SCHIP1: variants seen among roughly 807,000 people sequenced by gnomAD.
SCHIP1 encodes the protein schwannomin interacting protein 1.
In SCHIP1, 8 loss-of-function variants were observed where a neutral mutation model predicts 29.7. The ratio of observed to expected loss-of-function variants is 0.27; its 90% CI spans 0.16 to 0.49. SCHIP1 has a LOEUF of 0.49. Ranked by LOEUF, SCHIP1 falls within the 20% of genes least tolerant of loss-of-function variation. The pLI, the probability that SCHIP1 is intolerant of heterozygous loss-of-function variation, is 0.99. For synonymous variants in SCHIP1, 76 were observed against 94.9 expected, an observed-to-expected ratio of 0.80 and a Z score of 1.16; for missense variants, 193 against 294.6, an observed-to-expected ratio of 0.66 and a Z score of 2.52.
chr3:159,336,284 T>A, the SCHIP1 span, among the ~76,000 whole-genome samples: 4 of 151,008 alleles, frequency 2.6e-5, no homozygotes, highest in African/African-American at 9.7e-5. Context: ...TTTTCTCCCA[T>A]TCTGTAGGTC....
chr3:159,567,034 G>A, the SCHIP1 span, among the ~76,000 whole-genome samples: 1 of 152,096 alleles, frequency 6.6e-6, no homozygotes, highest in Non-Finnish European at 1.5e-5. Flanking sequence ...ATATGAAATG[G>A]TATCTATCAC....
the SCHIP1 span, among the ~76,000 whole-genome samples, chr3:159,367,777 A>G: frequency 6.6e-6 from 1 of 152,290 alleles, no homozygotes; most frequent in Admixed American, 6.5e-5. Context: ...AAGAGGTAAG[A>G]CATTACTAGA....
the SCHIP1 span, chr3:159,764,950 C>T: frequency 6.7e-7 from 1 of 1,491,364 alleles, no homozygotes; most frequent in Non-Finnish European, 8.9e-7. This position sits in a 1 kb window ranked among gnomAD's most constrained non-coding sequence, Gnocchi z 6.1. Flanking sequence ...GGCTGGGGGC[C>T]GGCGCAGTGG....
At chr3:159,514,262 C>T in the SCHIP1 span, among the ~76,000 whole-genome samples, 1 of 152,160 alleles carries the variant, frequency 6.6e-6, no homozygotes, top group Non-Finnish European at 1.5e-5. Context: ...CAAAAAAAAT[C>T]AACTGATGAT....
chr3:159,453,253 G>C, the SCHIP1 span, among the ~76,000 whole-genome samples: 2 of 152,282 alleles, frequency 1.3e-5, no homozygotes, highest in East Asian at 3.9e-4. Context: ...GTGTGACCCT[G>C]GATAAGTCAT....
chr3:159,875,832 C>T (rs1715744903), intron 2 of SCHIP1, among the ~76,000 whole-genome samples: 1 of 152,164 alleles, frequency 6.6e-6, no homozygotes, highest in African/African-American at 2.4e-5. Context: ...GTGGCATGTG[C>T]CTGTAGTCAC....
the SCHIP1 span, among the ~76,000 whole-genome samples, chr3:159,778,821 G>C: frequency 1.3e-5 from 2 of 152,220 alleles, no homozygotes; most frequent in Non-Finnish European, 2.9e-5. Flanking sequence ...GACAGATGGA[G>C]TGAAGGGGCA....
chr3:159,273,535 T>A, the SCHIP1 span: 4 of 1,200,236 alleles, frequency 3.3e-6, no homozygotes, highest in Non-Finnish European at 4.2e-6. Context: ...GTGTGTTTTA[T>A]CAATTTGAAG....
chr3:159,669,570 C>A, the SCHIP1 span, among the ~76,000 whole-genome samples: 1 of 152,144 alleles, frequency 6.6e-6, no homozygotes, highest in African/African-American at 2.4e-5. Context: ...ATGCACAGAT[C>A]TTTTCTGTTC....
chr3:159,496,799 T>C, the SCHIP1 span, among the ~76,000 whole-genome samples: 9 of 152,162 alleles, frequency 5.9e-5, no homozygotes, highest in African/African-American at 9.7e-5. Flanking sequence ...TAAAGACACA[T>C]GCACACGTAT....
At chr3:159,846,389 G>A (rs1044374364) in intron 1 of SCHIP1, among the ~76,000 whole-genome samples, 21 of 152,194 alleles carry the variant, frequency 1.4e-4, no homozygotes, top group Admixed American at 6.5e-5. Context: ...GTTGGAGAAA[G>A]TGGTAAACAG....
At chr3:159,795,566 G>C in the SCHIP1 span, among the ~76,000 whole-genome samples, 1 of 152,208 alleles carries the variant, frequency 6.6e-6, no homozygotes, top group Non-Finnish European at 1.5e-5. Context: ...CTGATACCCA[G>C]ACAGGGGTTC....
At chr3:159,722,351 G>A in the SCHIP1 span, 1 of 154,784 alleles carries the variant, frequency 6.5e-6, no homozygotes, top group South Asian at 2.0e-4. Flanking sequence ...ATCCTCTTCT[G>A]ACTCTGAGTT....
chr3:159,690,537 A>G, the SCHIP1 span, among the ~76,000 whole-genome samples: 77 of 152,226 alleles, frequency 5.1e-4, no homozygotes, highest in African/African-American at 1.9e-3. Flanking sequence ...TAATCTTTTC[A>G]AAAAACCAAC....
At chr3:159,346,208 GA>G in the SCHIP1 span, among the ~76,000 whole-genome samples, 1 of 109,788 alleles carries the variant, frequency 9.1e-6, no homozygotes, top group African/African-American at 3.4e-5. Context: ...AAAGAAAAAA[GA>G]AAAAAAGAAA....
At chr3:159,508,954 G>T in the SCHIP1 span, among the ~76,000 whole-genome samples, 2 of 152,312 alleles carry the variant, frequency 1.3e-5, no homozygotes, top group South Asian at 4.1e-4. Flanking sequence ...GTTGATTTGG[G>T]GTGGAGAGTT....
At chr3:159,596,897 T>G in the SCHIP1 span, among the ~76,000 whole-genome samples, 5,286 of 150,612 alleles carry the variant, frequency 0.035, 300 homozygotes, top group African/African-American at 0.12. Context: ...TGTATACATA[T>G]GTAACAAACC....
the SCHIP1 span, among the ~76,000 whole-genome samples, chr3:159,684,566 GA>G: frequency 6.6e-6 from 1 of 152,070 alleles, no homozygotes. Flanking sequence ...AGCACTTTGG[GA>G]GGCAAAGGTG....
the SCHIP1 span, among the ~76,000 whole-genome samples, chr3:159,337,059 A>G: frequency 6.6e-6 from 1 of 152,188 alleles, no homozygotes; most frequent in Non-Finnish European, 1.5e-5. Context: ...CAAATCAATA[A>G]ACGTAATCCA....
Sources: allele counts gnomAD v4.1 joint callset (sites outside exome capture counted in the v4.1 genomes callset), GRCh38; gene constraint gnomAD v4.1.1; non-coding constraint Gnocchi (gnomAD v3.1); transcripts MANE v1.5; gene names NCBI Gene and HGNC (gene_info 2026-07-23, HGNC 2026-07-21).